The following ROR2 variants were observed in gnomAD, a reference collection of about 807,000 sequenced individuals.
ROR2 encodes ROR family WNT receptor 2, also known as tyrosine-protein kinase transmembrane receptor ROR2.
Under a neutral mutation model 74.9 loss-of-function variants are expected in ROR2, and 33 were observed. The observed-to-expected ratio is 0.44, with a 90% CI of 0.33 to 0.59. ROR2 has a LOEUF of 0.59. Ranked by LOEUF, ROR2 falls within the 20% of genes least tolerant of loss-of-function variation. ROR2 has a pLI of 0.02. For synonymous variants in ROR2, 586 were observed against 558.7 expected, an observed-to-expected ratio of 1.05 and a Z score of -0.69; for missense variants, 1,216 against 1,313.8, an observed-to-expected ratio of 0.93 and a Z score of 1.15.
intron 2 of ROR2, among the ~76,000 whole-genome samples, chr9:91,767,098 C>A (rs1460506444): frequency 7.0e-6 from 1 of 143,734 alleles, no homozygotes; most frequent in Non-Finnish European, 1.5e-5. Flanking sequence ...TTTTTTGAGG[C>A]GGAGGCTCGC....
chr9:91,723,474 C>T lies in ROR2; in HGVS notation c.*188G>A. On this transcript the variant is annotated 3_prime_UTR_variant, in exon 9 of 9. Coordinates refer to ENST00000375708, the MANE Select transcript of ROR2 (RefSeq NM_004560.4). ...GACCCCCTGCCTGGCTTGGGTGCTC[C>T]TAGGCAGGGCAGCTCTCTGTGTCAG... 1 of 918,996 alleles carries T rather than the reference C, an allele frequency of 1.1e-6. No homozygotes were observed. The highest frequency in any genetic ancestry group is 1.6e-6 in the Non-Finnish European group (1 of 628,700). 56.9% of individuals were successfully genotyped at this position (918,996 alleles called of 1,614,324 possible). A position where few individuals can be genotyped will look rare whatever the true frequency, so the allele number is the denominator to read the frequency against.
intron 1 of ROR2, among the ~76,000 whole-genome samples, chr9:91,776,836 C>CAT (rs10659675): frequency 0.23 from 34,598 of 152,074 alleles, 4,149 homozygotes; most frequent in Middle Eastern, 0.35. Flanking sequence ...CGAAAAGAGA[C>CAT]AAAAATTATT....
intron 1 of ROR2, among the ~76,000 whole-genome samples, chr9:91,836,539 C>CAAA (rs753563302): frequency 5.9e-5 from 6 of 102,480 alleles, no homozygotes; most frequent in African/African-American, 1.7e-4. Context: ...GATTCCATCT[C>CAAA]AAAAAAAAAA....
intron 1 of ROR2, among the ~76,000 whole-genome samples, chr9:91,926,909 T>C (rs1831419008): frequency 6.6e-6 from 1 of 152,058 alleles, no homozygotes. Context: ...GTTTTGGAGA[T>C]GGATGGTAGT....
intron 1 of ROR2, among the ~76,000 whole-genome samples, chr9:91,839,209 C>T (rs1328379318): frequency 1.3e-5 from 2 of 151,732 alleles, no homozygotes; most frequent in African/African-American, 4.9e-5. Context: ...CAAAACACCT[C>T]CTCCAATATC....
chr9:91,738,776 G>C (rs1480207508), intron 4 of ROR2, among the ~76,000 whole-genome samples: 1 of 152,218 alleles, frequency 6.6e-6, no homozygotes, highest in Non-Finnish European at 1.5e-5. Context: ...ACAGGCGTAG[G>C]AGGTCAGAAG....
intron 1 of ROR2, among the ~76,000 whole-genome samples, chr9:91,813,269 C>A (rs1587743703): frequency 6.6e-6 from 1 of 152,112 alleles, no homozygotes; most frequent in Non-Finnish European, 1.5e-5. Flanking sequence ...TCACACCCCT[C>A]GCTCTACAAA....
intron 4 of ROR2, among the ~76,000 whole-genome samples, chr9:91,752,976 G>A (rs983629622): frequency 3.3e-5 from 5 of 152,106 alleles, no homozygotes; most frequent in Admixed American, 6.5e-5. Context: ...TCTTTCAACC[G>A]TATGTTTGAA....
intron 1 of ROR2, among the ~76,000 whole-genome samples, chr9:91,908,123 C>A (rs967285283): frequency 6.6e-6 from 1 of 152,192 alleles, no homozygotes; most frequent in Admixed American, 6.5e-5. Flanking sequence ...ACAGGTGACA[C>A]AGCTGTATTA....
chr9:91,775,347 G>A (rs994258316), intron 2 of ROR2, among the ~76,000 whole-genome samples: 1 of 152,184 alleles, frequency 6.6e-6, no homozygotes, highest in African/African-American at 2.4e-5. Flanking sequence ...CAGGCCCAGG[G>A]GAAGAACTGA....
chr9:91,866,086 C>T (rs1489711506), intron 1 of ROR2, among the ~76,000 whole-genome samples: 1 of 152,142 alleles, frequency 6.6e-6, no homozygotes, highest in African/African-American at 2.4e-5. Flanking sequence ...CTGCCCAAAT[C>T]CAACCCTGCC....
intron 1 of ROR2, among the ~76,000 whole-genome samples, chr9:91,878,640 T>C (rs1830019907): frequency 6.6e-6 from 1 of 152,250 alleles, no homozygotes; most frequent in Non-Finnish European, 1.5e-5. Context: ...ACTTGGAGGC[T>C]GAAGCCAAAC....
chr9:91,886,473 T>C (rs1349070813), intron 1 of ROR2, among the ~76,000 whole-genome samples: 2 of 151,396 alleles, frequency 1.3e-5, no homozygotes, highest in Non-Finnish European at 2.9e-5. Flanking sequence ...CCAGGGTCTC[T>C]GCTTACACCA....
At chr9:91,798,476 T>C (rs1158541988) in intron 1 of ROR2, among the ~76,000 whole-genome samples, 6 of 65,356 alleles carry the variant, frequency 9.2e-5, no homozygotes, top group Non-Finnish European at 1.3e-4. Context: ...GCTCTGTAGG[T>C]GGGGAATGAC....
intron 2 of ROR2, 142 bp from the exon 3 acceptor site, chr9:91,757,701 T>C: frequency 1.2e-6 from 1 of 861,982 alleles, no homozygotes; most frequent in African/African-American, 1.7e-5. Context: ...CTGCGGTAAT[T>C]ATCTTCTAGA....
rs759056122 is a variant in ROR2 at position 91,724,693 on chromosome 9, C to T, written c.1801G>A (p.Ala601Thr). 4 of 1,614,228 alleles carry T rather than the reference C, an allele frequency of 2.5e-6. No individual in the cohort carries two copies. The Admixed American group carries it at 6.7e-5, about 27-fold the overall frequency. Reference sequence around the variant, plus strand: ...TGGCTGGATAGGTACTCCATCCCCGCCGCGATCTGTGCCACAAGGTGCACG... The same window carrying T: ...TGGCTGGATAGGTACTCCATCCCCGTCGCGATCTGTGCCACAAGGTGCACG... Reference protein sequence around the residue: ...DFVHLVAQIAAGMEYLSSHHV... With the variant: ...DFVHLVAQIATGMEYLSSHHV... Residue 601 changes from alanine (A) to threonine (T), a missense_variant, in exon 9 of 9, where the codon GCG (alanine) becomes ACG (threonine). Coordinates refer to ENST00000375708, the MANE Select transcript of ROR2 (RefSeq NM_004560.4).
intron 2 of ROR2, among the ~76,000 whole-genome samples, chr9:91,771,485 C>T (rs1045613952): frequency 1.3e-5 from 2 of 152,170 alleles, no homozygotes; most frequent in African/African-American, 4.8e-5. Flanking sequence ...GTCTCCTGGA[C>T]GTCTAATGTA....
At chr9:91,831,457 G>T (rs76705291) in intron 1 of ROR2, among the ~76,000 whole-genome samples, 5,642 of 152,108 alleles carry the variant, frequency 0.037, 153 homozygotes, top group East Asian at 0.096. Context: ...CACCTGGGGG[G>T]ACAACATCCA....
chr9:91,882,967 G>A (rs1830160423), intron 1 of ROR2, among the ~76,000 whole-genome samples: 1 of 152,134 alleles, frequency 6.6e-6, no homozygotes, highest in African/African-American at 2.4e-5. Flanking sequence ...AAAACTAATA[G>A]AGATATATAC....
Sources: allele counts gnomAD v4.1 joint callset (sites outside exome capture counted in the v4.1 genomes callset), GRCh38; gene constraint gnomAD v4.1.1; transcripts MANE v1.5; gene names NCBI Gene and HGNC (gene_info 2026-07-23, HGNC 2026-07-21).